SLC51B: variants seen among roughly 807,000 people sequenced by gnomAD.
The protein encoded by SLC51B is organic solute transporter subunit beta.
In SLC51B, 6 loss-of-function variants were observed where a neutral mutation model predicts 8.0. The observed-to-expected ratio is 0.75, with a 90% confidence interval of 0.41 to 1.48. SLC51B has a LOEUF of 1.48. Among genes scored for constraint, SLC51B ranks in the 40% most tolerant of loss-of-function variants. The pLI is 0.01. For missense variants in SLC51B, 150 were observed against 149.7 expected, an observed-to-expected ratio of 1.00 and a Z score of -0.01; for synonymous variants, 61 against 54.8, an observed-to-expected ratio of 1.11 and a Z score of -0.50.
intron 2 of SLC51B, among the ~76,000 whole-genome samples, chr15:65,051,059 G>A (rs2140507949): frequency 6.6e-6 from 1 of 152,008 alleles, no homozygotes; most frequent in South Asian, 2.1e-4. Flanking sequence ...GGCCAGGCTG[G>A]TCTTGAACTC....
At chr15:65,046,065 C>T (rs985396805) in intron 1 of SLC51B, among the ~76,000 whole-genome samples, 3 of 142,554 alleles carry the variant, frequency 2.1e-5, no homozygotes, top group African/African-American at 5.3e-5. Context: ...TTTGGGAGGC[C>T]GAGGCAGATG....
At chr15:65,050,465 G>A (rs751626976) in intron 2 of SLC51B, among the ~76,000 whole-genome samples, 1 of 152,230 alleles carries the variant, frequency 6.6e-6, no homozygotes, top group African/African-American at 2.4e-5. Context: ...CGCATAGTGC[G>A]TTGGTGATGA....
At chr15:65,045,971 C>T (rs1478871665) in intron 1 of SLC51B, among the ~76,000 whole-genome samples, 1 of 150,492 alleles carries the variant, frequency 6.6e-6, no homozygotes, top group East Asian at 2.0e-4. Context: ...TTCGAGACCA[C>T]CCCGGCTAAC....
intron 1 of SLC51B, among the ~76,000 whole-genome samples, chr15:65,048,146 A>G (rs945437129): frequency 6.6e-6 from 1 of 151,328 alleles, no homozygotes; most frequent in Non-Finnish European, 1.5e-5. Context: ...ACGTCACTGC[A>G]CTCCAGCCTG....
intron 3 of SLC51B, 152 bp from the exon 4 acceptor site, chr15:65,052,814 T>C: frequency 1.5e-6 from 1 of 660,642 alleles, no homozygotes; most frequent in Admixed American, 2.9e-5. Context: ...CATTTCTCTG[T>C]TGAAGGAATA....
At chr15:65,048,787 T>C (rs1390024289) in intron 1 of SLC51B, among the ~76,000 whole-genome samples, 1 of 152,128 alleles carries the variant, frequency 6.6e-6, no homozygotes, top group Non-Finnish European at 1.5e-5. Flanking sequence ...GGCGGGTGGA[T>C]CACCTGAGGT....
intron 1 of SLC51B, 55 bp from the exon 2 acceptor site, chr15:65,049,842 G>A (rs1328399625): frequency 2.0e-6 from 1 of 506,524 alleles, no homozygotes; most frequent in African/African-American, 2.0e-5. Context: ...TTTGGGCACA[G>A]AGGGAGATCA....
intron 3 of SLC51B, 22 bp downstream of exon 3, chr15:65,051,627 G>T: frequency 6.2e-7 from 1 of 1,610,472 alleles, no homozygotes; most frequent in Middle Eastern, 1.7e-4. Flanking sequence ...GTCCTGGGGG[G>T]ATGGGGTGGT....
chr15:65,052,277 A>T (rs1012597413), intron 3 of SLC51B, among the ~76,000 whole-genome samples: 26 of 152,140 alleles, frequency 1.7e-4, no homozygotes, highest in Non-Finnish European at 3.7e-4. Context: ...GTGTGTGGTG[A>T]CAAGGACCTA....
chr15:65,050,128 G>C lies in SLC51B; in HGVS notation c.97+27G>C, dbSNP rs189254725. 14 of 1,538,654 alleles carry C rather than the reference G, an allele frequency of 9.1e-6. No individual in the cohort carries two copies. The African/African-American group carries it at 1.6e-4, about 18-fold the overall frequency. ...TAAGTGGTGAGAGATTGACGGCAGG[G>C]GTGGGGGTGTGCCCCTCAACACAGA... On this transcript the variant is annotated intron_variant, in intron 2 of 3. Coordinates refer to ENST00000334287, the MANE Select transcript of SLC51B (RefSeq NM_178859.4).
intron 1 of SLC51B, chr15:65,049,457 C>G (rs183280098): frequency 3.3e-5 from 5 of 152,304 alleles, no homozygotes; most frequent in African/African-American, 9.6e-5. Flanking sequence ...CGTAGGCGTG[C>G]CAATCCCCAG....
chr15:65,047,096 C>T (rs2086585910), intron 1 of SLC51B, among the ~76,000 whole-genome samples: 1 of 152,040 alleles, frequency 6.6e-6, no homozygotes, highest in Non-Finnish European at 1.5e-5. Context: ...GTGGCTCACA[C>T]CTGTAATCCC....
At chr15:65,051,420 C>T in intron 2 of SLC51B, 95 bp from the exon 3 acceptor site, 1 of 1,170,460 alleles carries the variant, frequency 8.5e-7, no homozygotes, top group South Asian at 1.3e-5. Flanking sequence ...ACAGTTGATG[C>T]TGTAAGCTGG....
intron 1 of SLC51B, among the ~76,000 whole-genome samples, chr15:65,047,080 G>T (rs1035143179): frequency 6.6e-6 from 1 of 152,026 alleles, no homozygotes; most frequent in Non-Finnish European, 1.5e-5. Flanking sequence ...ACAAAGGCTG[G>T]GTGCAGTGGC....
At chr15:65,051,684 G>A in intron 3 of SLC51B, 79 bp downstream of exon 3, 1 of 1,354,876 alleles carries the variant, frequency 7.4e-7, no homozygotes, top group East Asian at 2.3e-5. Flanking sequence ...ATCTAGAGAG[G>A]GGTCACTTAG....
intron 1 of SLC51B, among the ~76,000 whole-genome samples, chr15:65,047,180 A>G (rs1160884440): frequency 1.3e-5 from 2 of 151,774 alleles, no homozygotes; most frequent in African/African-American, 4.8e-5. Context: ...TACTAAAAAT[A>G]CAAAAATTAG....
At chr15:65,049,706 T>C (rs2919351) in intron 1 of SLC51B, 191 bp from the exon 2 acceptor site, 4,396 of 242,900 alleles carry the variant, frequency 0.018, 165 homozygotes, top group African/African-American at 0.074. Context: ...CCTCCACACA[T>C]GCGATGGCTT....
At chr15:65,047,440 C>T (rs527365907) in intron 1 of SLC51B, among the ~76,000 whole-genome samples, 42 of 152,034 alleles carry the variant, frequency 2.8e-4, no homozygotes, top group Admixed American at 1.8e-3. Context: ...GCAGTGTATA[C>T]GCATAAGAAA....
Position 65,050,102 on chromosome 15 carries a change from G to A in SLC51B, c.97+1G>A. The stretch of plus-strand genomic sequence containing the variant: ...CTTTGGTTTTTTCGTGTGGAAGATG[G>A]TAAGTGGTGAGAGATTGACGGCAGG... On this transcript the variant is annotated splice_donor_variant, in intron 2 of 3. Coordinates refer to ENST00000334287, the MANE Select transcript of SLC51B (RefSeq NM_178859.4). LOFTEE classifies it high-confidence loss of function. 6.4e-7 allele frequency: 1 copy of A among 1,551,316 alleles called. No individual in the cohort carries two copies. The highest frequency in any genetic ancestry group is 8.7e-7 in the Non-Finnish European group (1 of 1,146,674).
Sources: gnomAD v4.1 joint callset for allele counts (sites outside exome capture counted in the v4.1 genomes callset) on GRCh38, gnomAD v4.1.1 for gene constraint, MANE v1.5 for transcripts, NCBI Gene and HGNC (gene_info 2026-07-23, HGNC 2026-07-21) for gene names.